Variants in TTC16 observed in about 807,000 individuals in gnomAD.
The protein encoded by TTC16 is tetratricopeptide repeat protein 16.
Under a neutral mutation model 80.4 loss-of-function variants are expected in TTC16, and 66 were observed. The ratio of observed to expected loss-of-function variants is 0.82; its 90% CI spans 0.67 to 1.01. The LOEUF is 1.01. Ranked by LOEUF, TTC16 falls within the 50% of genes least tolerant of loss-of-function variation. The probability of loss-of-function intolerance (pLI) is 0.00; values close to 1 mark genes in which losing one functional copy is unlikely to be tolerated. For synonymous variants in TTC16, 438 were observed against 451.3 expected (o/e 0.97, Z 0.37); for missense variants, 1,070 against 1,103.2 (o/e 0.97, Z 0.43).
chr9:127,726,831 A>C, intron 10 of TTC16, 139 bp from the exon 11 acceptor site: 1 of 839,652 alleles, frequency 1.2e-6, no homozygotes, highest in South Asian at 1.7e-5. Flanking sequence ...ACAAACAAGC[A>C]AACAAAAAAC....
chr9:127,723,083 G>A lies in TTC16; in HGVS notation c.658-36G>A, dbSNP rs761093635. The A allele has an allele frequency of 7.5e-6, 12 of 1,600,122 alleles. No individual in the cohort carries two copies. The African/African-American group carries it at 1.5e-4, about 20-fold the overall frequency. On this transcript the variant is annotated intron_variant, in intron 6 of 13. Coordinates refer to ENST00000373289, the MANE Select transcript of TTC16 (RefSeq NM_144965.3). ...GCCTCTAGGTCCCGTGGCTCAGTTG[G>A]TCTGTGCCCCTGATGCCACCCATGG...
intron 1 of TTC16, 187 bp from the exon 2 acceptor site, chr9:127,716,657 C>T (rs1843040441): frequency 1.4e-6 from 1 of 692,678 alleles, no homozygotes; most frequent in Non-Finnish European, 2.4e-6. Flanking sequence ...GGCAGGACTG[C>T]AGAGGGACAG....
In TTC16 at chr9:127,731,068, C is replaced by T. The variant is rs1211750119; in HGVS notation, c.2285C>T (p.Thr762Ile). The T allele has an allele frequency of 1.9e-6, 3 of 1,612,318 alleles. No individual in the cohort carries two copies. The South Asian group carries it at 3.3e-5, about 18-fold the overall frequency. ...GGCCCAAGGCAGGAGCCCAGCAAGACCAAGACCACCCGGAGCCCAAGGCAG... is the reference window on the plus strand; with the variant it reads ...GGCCCAAGGCAGGAGCCCAGCAAGATCAAGACCACCCGGAGCCCAAGGCAG... ...TQGPRQEPSK[T>I]KTTRSPRQRP... The change falls in exon 14 of 14, where the codon ACC becomes ATC. Residue 762 changes from threonine to isoleucine, a missense_variant. Physicochemically the swap from Thr to Ile is moderately conservative, Grantham distance 89 (BLOSUM62 -1). Transcript: ENST00000373289.
chr9:127,730,118 G>T, intron 13 of TTC16: 1 of 218,744 alleles, frequency 4.6e-6, no homozygotes, highest in South Asian at 7.4e-5. Context: ...CTCCCCAAGT[G>T]CCCTGGGCCA....
rs1843742045 is a variant in TTC16 at position 127,724,376 on chromosome 9, C to T, written c.1117+12C>T. ...CATCAACCGAGGCGGTGCGCAGCGA[C>T]CAGGGCACTGGGGAGGGGGGGTGCG... On this transcript the variant is annotated intron_variant, in intron 8 of 13. Coordinates refer to ENST00000373289, the MANE Select transcript of TTC16 (RefSeq NM_144965.3). 1 of 1,611,558 alleles carries T rather than the reference C, an allele frequency of 6.2e-7. No individual in the cohort carries two copies. Among genetic ancestry groups the T allele is most frequent in the Non-Finnish European group, 8.5e-7 (1 of 1,179,388 alleles).
chr9:127,723,546 A>G (rs1341620536), intron 7 of TTC16, among the ~76,000 whole-genome samples: 1 of 152,266 alleles, frequency 6.6e-6, no homozygotes, highest in Non-Finnish European at 1.5e-5. Flanking sequence ...CAGTTACCCC[A>G]GGAATCCTAG....
chr9:127,724,139 C>T lies in TTC16; in HGVS notation c.892C>T (p.Leu298Phe). 6.2e-7 allele frequency: 1 copy of T among 1,612,356 alleles called. No homozygotes were observed. The highest frequency in any genetic ancestry group is 8.5e-7 in the Non-Finnish European group (1 of 1,179,610). The change falls in exon 8 of 14, where the codon CTC (leucine) becomes TTC (phenylalanine). Residue 298 changes from leucine (L) to phenylalanine (F), a missense_variant. By Grantham distance (22) the Leu-to-Phe change is conservative. Coordinates refer to ENST00000373289, the MANE Select transcript of TTC16 (RefSeq NM_144965.3). ...CGACAGGGGCACCATGTACCGACGG[C>T]TCCAGGAGTTCGATGGGGCAGTGGA... ...FLFRGTMYRRLQEFDGAVEDF... is the reference protein window; with the variant it reads ...FLFRGTMYRRFQEFDGAVEDF...
rs1028651255 is a variant in TTC16 at position 127,722,537 on chromosome 9, CAAG to C, written c.658-581_658-579del. 9.9e-5 allele frequency among the ~76,000 whole-genome samples: 15 copies of C among 152,138 alleles called. No individual in the cohort carries two copies. Among genetic ancestry groups the C allele is most frequent in the African/African-American group, 3.6e-4 (15 of 41,412 alleles). On this transcript the variant is annotated intron_variant, in intron 6 of 13. Transcript: ENST00000373289. The surrounding 1 kb of genome is among the most constrained non-coding windows in gnomAD (Gnocchi z 4.2). ...TTGAGTGGGCTTCACAGAGGCCTGA[CAAG>C]GAGGTAGCATCTGCAGAAACCACTG... is the stretch of plus-strand genomic sequence containing the variant.
rs188353513 is a variant in TTC16 at position 127,729,812 on chromosome 9, G to C, written c.1852+144G>C. 3.8e-3 allele frequency: 2,660 copies of C among 692,834 alleles called. 9 individuals carry two copies. Among genetic ancestry groups the C allele is most frequent in the Non-Finnish European group, 5.3e-3 (2,149 of 403,968 alleles). 42.9% of individuals were successfully genotyped at this position (692,834 alleles called of 1,614,324 possible). ...GGCCTGGGGCGAGTGGCTCTAGAGC[G>C]GGAGTAACACTGTTGCGGGGCTGCC... On this transcript the variant is annotated intron_variant, in intron 13 of 13. Coordinates refer to ENST00000373289, the MANE Select transcript of TTC16 (RefSeq NM_144965.3).
At chr9:127,719,260 GAC>G (rs1043881200) in intron 4 of TTC16, among the ~76,000 whole-genome samples, 3 of 151,866 alleles carry the variant, frequency 2.0e-5, no homozygotes, top group Non-Finnish European at 4.4e-5. Flanking sequence ...GGGGCCCTCA[GAC>G]CATGTGTGAA....
chr9:127,731,295 A>G lies in TTC16; in HGVS notation c.2512A>G (p.Ser838Gly). 1 of 1,613,210 alleles carries G rather than the reference A, an allele frequency of 6.2e-7. No individual in the cohort carries two copies. The highest frequency in any genetic ancestry group is 8.5e-7 in the Non-Finnish European group (1 of 1,180,030). ...CAAGGCTGAGGGTGCCCAGGGCAAG[A>G]GCCAGGGCATGAGCTCAACTTCCAG... ...SSKAEGAQGK[S>G]QGMSSTSSKA... The change falls in exon 14 of 14, where the codon AGC becomes GGC. Residue 838 changes from serine to glycine, a missense_variant. Transcript: ENST00000373289.
intron 13 of TTC16, chr9:127,730,033 C>T (rs1844272326): frequency 7.3e-6 from 2 of 274,494 alleles, no homozygotes; most frequent in South Asian, 9.2e-5. Flanking sequence ...GGCCCCAAGG[C>T]GGGTGTGCGC....
chr9:127,725,046 C>T (rs1307331188), intron 9 of TTC16, 149 bp downstream of exon 9: 1 of 964,144 alleles, frequency 1.0e-6, no homozygotes, highest in Non-Finnish European at 1.5e-6. Context: ...AGGTGGATCG[C>T]CTGAGGTCGA....
intron 6 of TTC16, among the ~76,000 whole-genome samples, chr9:127,721,995 G>A (rs13290066): frequency 6.6e-6 from 1 of 152,188 alleles, no homozygotes; most frequent in Non-Finnish European, 1.5e-5. Context: ...ATTGGTGACT[G>A]TTGTGATTTT....
At chr9:127,724,078 C>G (rs577235656) in intron 7 of TTC16, 42 bp from the exon 8 acceptor site, 13 of 1,509,718 alleles carry the variant, frequency 8.6e-6, no homozygotes, top group Non-Finnish European at 1.2e-5. Context: ...GGTGCACTGG[C>G]GCTCATGTCC....
chr9:127,730,966 G>A lies in TTC16; in HGVS notation c.2183G>A (p.Gly728Asp). ...RNSSKTRATQGQGQSSSKTEA... is the reference protein window; with the variant it reads ...RNSSKTRATQDQGQSSSKTEA... ...TCCAGCAAGACCAGGGCCACCCAGG[G>A]CCAGGGGCAGAGCTCCAGCAAGACT... is the stretch of plus-strand genomic sequence containing the variant. Residue 728 changes from glycine (G) to aspartate (D), a missense_variant, in exon 14 of 14, where the codon GGC becomes GAC. Coordinates refer to ENST00000373289, the MANE Select transcript of TTC16 (RefSeq NM_144965.3). 3 of 1,612,826 alleles carry A rather than the reference G, an allele frequency of 1.9e-6. No individual in the cohort carries two copies. Among genetic ancestry groups the A allele is most frequent in the Non-Finnish European group, 2.5e-6 (3 of 1,179,796 alleles).
chr9:127,717,208 C>A (rs1020091752), intron 2 of TTC16, 126 bp from the exon 3 acceptor site: 4 of 1,172,296 alleles, frequency 3.4e-6, no homozygotes, highest in Non-Finnish European at 3.7e-6. Flanking sequence ...CCTCCCTGGG[C>A]TTCTGTCTAC....
rs756823715 is a variant in TTC16 at position 127,717,057 on chromosome 9, G to A, written c.191+41G>A. Reference sequence around the variant, plus strand: ...GCTTTGGGGTCCCAGGTTCCTGCCCGACACAGCCATTCACATGCTGTGCAG... The same window carrying A: ...GCTTTGGGGTCCCAGGTTCCTGCCCAACACAGCCATTCACATGCTGTGCAG... On this transcript the variant is annotated intron_variant, in intron 2 of 13. Transcript: ENST00000373289. The A allele has an allele frequency of 1.1e-5, 18 of 1,602,876 alleles. No individual in the cohort carries two copies. The Admixed American group carries it at 1.8e-4, about 16-fold the overall frequency.
In TTC16 at chr9:127,731,302, G is replaced by A; in HGVS notation, c.2519G>A (p.Gly840Asp). 1 of 1,613,226 alleles carries A rather than the reference G, an allele frequency of 6.2e-7. No homozygotes were observed. Among genetic ancestry groups the A allele is most frequent in the Non-Finnish European group, 8.5e-7 (1 of 1,180,044 alleles). ...KAEGAQGKSQ[G>D]MSSTSSKAES... Reference sequence around the variant, plus strand: ...GAGGGTGCCCAGGGCAAGAGCCAGGGCATGAGCTCAACTTCCAGCAAGGCC... The same window carrying A: ...GAGGGTGCCCAGGGCAAGAGCCAGGACATGAGCTCAACTTCCAGCAAGGCC... The change falls in exon 14 of 14, where the codon GGC becomes GAC. Residue 840 changes from glycine (G) to aspartate (D), a missense_variant. Gly to Asp is a moderately conservative substitution (Grantham distance 94, BLOSUM62 -1). Transcript: ENST00000373289.
Sources: gnomAD v4.1 joint callset for allele counts (sites outside exome capture counted in the v4.1 genomes callset) on GRCh38, gnomAD v4.1.1 for gene constraint, Gnocchi (gnomAD v3.1) non-coding constraint, MANE v1.5 for transcripts, NCBI Gene and HGNC (gene_info 2026-07-23, HGNC 2026-07-21) for gene names.